Variants in FAM120A observed in about 807,000 individuals in gnomAD.
The protein encoded by FAM120A is constitutive coactivator of PPAR-gamma-like protein 1.
A neutral mutation model predicts 109.7 loss-of-function variants in FAM120A; 15 were observed. That is an observed-to-expected ratio of 0.14 (90% CI 0.09 to 0.21). The LOEUF is 0.21. Ranked by LOEUF, FAM120A falls within the 10% of genes least tolerant of loss-of-function variation. The pLI, the probability that FAM120A is intolerant of heterozygous loss-of-function variation, is 1.00. For missense variants in FAM120A, 899 were observed against 1,439.3 expected (o/e 0.62, Z 6.07); for synonymous variants, 493 against 572.8 (o/e 0.86, Z 1.99).
At chr9:93,562,538 A>T (rs1335303732) in intron 17 of FAM120A, among the ~76,000 whole-genome samples, 2 of 151,690 alleles carry the variant, frequency 1.3e-5, no homozygotes, top group Admixed American at 6.6e-5. Context: ...CTTTGCCATG[A>T]CCCTGTGTCT....
Position 93,465,208 on chromosome 9 carries a change from AC to A in FAM120A, c.475-5930del, listed in dbSNP as rs1857967525. On this transcript the variant is annotated intron_variant, in intron 1 of 17. Transcript: ENST00000277165. ...AACCCAGAATCTTTTTTCCATTCCC[AC>A]CCAAACCTTGCATTGTATTGTCTTT... Among the ~76,000 whole-genome samples, 4 of 152,160 alleles carry A rather than the reference AC, an allele frequency of 2.6e-5. No homozygotes were observed. In the South Asian group the frequency reaches 8.3e-4, roughly 32 times the overall value.
chr9:93,471,047 T>G lies in FAM120A; in HGVS notation c.475-94T>G, dbSNP rs1378135420. On this transcript the variant is annotated intron_variant, in intron 1 of 17. Transcript: ENST00000277165. ...CTTTCACGGATAGTTTTCATAAATG[T>G]GATTTTTCAGCTTCTGTGCAAACAT... The G allele has an allele frequency of 3.5e-6, 5 of 1,448,764 alleles. No individual in the cohort carries two copies. In the African/African-American group the frequency reaches 5.7e-5, roughly 16 times the overall value. 89.7% of individuals were successfully genotyped at this position (1,448,764 alleles called of 1,614,324 possible).
At chr9:93,458,116 ACTGTGTC>A (rs1259164123) in intron 1 of FAM120A, among the ~76,000 whole-genome samples, 1 of 152,160 alleles carries the variant, frequency 6.6e-6, no homozygotes, top group African/African-American at 2.4e-5. Flanking sequence ...TATTATTTAT[ACTGTGTC>A]CCATCAACAC....
chr9:93,531,422 C>G (rs1861326848), intron 9 of FAM120A: 1 of 152,216 alleles, frequency 6.6e-6, no homozygotes. Flanking sequence ...TGAGATGTAT[C>G]TTGATGCTGT....
At chr9:93,461,823 T>C (rs1008615106) in intron 1 of FAM120A, among the ~76,000 whole-genome samples, 2 of 152,188 alleles carry the variant, frequency 1.3e-5, no homozygotes, top group Non-Finnish European at 2.9e-5. Context: ...CATTTTGGAT[T>C]TTTGATTTTT....
chr9:93,521,887 A>G (rs1011792155), intron 7 of FAM120A, among the ~76,000 whole-genome samples: 1 of 152,168 alleles, frequency 6.6e-6, no homozygotes, highest in East Asian at 1.9e-4. Flanking sequence ...CAGAAGTTCA[A>G]GACCAACATG....
rs1197181268 is a variant in FAM120A, at chr9:93,558,679, T to C, written c.2767T>C (p.Ser923Pro). Reference sequence around the variant, plus strand: ...AGCATCGGGACACTGCGGAGCCTTCTCAGGCAGTGACAGCAGCAGGACTAG... The same window carrying C: ...AGCATCGGGACACTGCGGAGCCTTCCCAGGCAGTGACAGCAGCAGGACTAG... ...AAASGHCGAF[S>P]GSDSSRTSKS... Residue 923 changes from serine (S) to proline (P), a missense_variant, in exon 15 of 18, where the codon TCA becomes CCA. Ser to Pro is a moderately conservative substitution (Grantham distance 74). Coordinates refer to ENST00000277165, the MANE Select transcript of FAM120A (RefSeq NM_014612.5). 2 of 1,614,142 alleles carry C rather than the reference T, an allele frequency of 1.2e-6. No homozygotes were observed. The highest frequency in any genetic ancestry group is 1.7e-6 in the Non-Finnish European group (2 of 1,180,020).
chr9:93,455,385 T>C (rs1857506806), intron 1 of FAM120A, among the ~76,000 whole-genome samples: 1 of 152,212 alleles, frequency 6.6e-6, no homozygotes, highest in Non-Finnish European at 1.5e-5. Context: ...AGGAGAGATC[T>C]TTGTGGAGTG....
intron 5 of FAM120A, among the ~76,000 whole-genome samples, chr9:93,509,989 A>T (rs58515648): frequency 0.024 from 3,614 of 152,238 alleles, 156 homozygotes; most frequent in African/African-American, 0.082. Context: ...GTCCTAGTTC[A>T]TCTTGATGAG....
chr9:93,522,028 C>G (rs1428627592), intron 7 of FAM120A, among the ~76,000 whole-genome samples: 1 of 151,974 alleles, frequency 6.6e-6, no homozygotes, highest in Non-Finnish European at 1.5e-5. Flanking sequence ...TGCAATGAGC[C>G]GAGATTGTGC....
At chr9:93,516,989 G>T (rs186150696) in intron 7 of FAM120A, among the ~76,000 whole-genome samples, 2 of 152,122 alleles carry the variant, frequency 1.3e-5, no homozygotes, top group Non-Finnish European at 2.9e-5. Flanking sequence ...ACTTTACAGC[G>T]CAGATAACCA....
At position 93,521,977 on chromosome 9, in the gene FAM120A, G is replaced by C. The variant is rs1412569244; in HGVS notation, c.1419-5178G>C. Among the ~76,000 whole-genome samples, 3 of 152,336 alleles carry C rather than the reference G, an allele frequency of 2.0e-5. No homozygotes were observed. The South Asian group carries it at 6.2e-4, about 32-fold the overall frequency. ...TGCTTGTAGTCCCAGCTACTTGGGA[G>C]GCTGAGGTAGGAGAATTGCTTGAAC... On this transcript the variant is annotated intron_variant, in intron 7 of 17. Coordinates refer to ENST00000277165, the MANE Select transcript of FAM120A (RefSeq NM_014612.5).
intron 1 of FAM120A, among the ~76,000 whole-genome samples, chr9:93,456,063 G>T (rs1171467554): frequency 1.3e-5 from 2 of 152,090 alleles, no homozygotes; most frequent in African/African-American, 4.8e-5. Context: ...ATTAGAAGTT[G>T]GTCTACATGG....
At chr9:93,487,382 G>A (rs1331859530) in intron 3 of FAM120A, among the ~76,000 whole-genome samples, 1 of 151,902 alleles carries the variant, frequency 6.6e-6, no homozygotes, top group Non-Finnish European at 1.5e-5. Context: ...GGCTGGTCTT[G>A]AACTCCTGAC....
chr9:93,459,635 G>C (rs1263168093), intron 1 of FAM120A, among the ~76,000 whole-genome samples: 1 of 152,132 alleles, frequency 6.6e-6, no homozygotes, highest in East Asian at 1.9e-4. Context: ...TAATACTGTA[G>C]AACAATATGT....
At chr9:93,535,860 T>A (rs1314516593) in intron 10 of FAM120A, among the ~76,000 whole-genome samples, 1 of 152,244 alleles carries the variant, frequency 6.6e-6, no homozygotes, top group Non-Finnish European at 1.5e-5. Context: ...AATTGAGTAA[T>A]GTGCACAGTG....
At chr9:93,529,748 TA>T in intron 9 of FAM120A, 168 bp downstream of exon 9, 1 of 673,584 alleles carries the variant, frequency 1.5e-6, no homozygotes, top group South Asian at 1.7e-5. Flanking sequence ...TGAACATTTA[TA>T]ACTGTAAATA....
At position 93,452,004 on chromosome 9, in the gene FAM120A, G is replaced by C; in HGVS notation, c.89G>C (p.Ser30Thr). The C allele has an allele frequency of 6.4e-7, 1 of 1,553,078 alleles. No individual in the cohort carries two copies. The highest frequency in any genetic ancestry group is 8.7e-7 in the Non-Finnish European group (1 of 1,149,690). The change falls in exon 1 of 18, where the codon AGC becomes ACC. Residue 30 changes from serine (S) to threonine (T), a missense_variant. Transcript: ENST00000277165. This position sits in a 1 kb window ranked among gnomAD's most constrained non-coding sequence, Gnocchi z 7.0. The part of the protein sequence containing the change: ...PVELQKLARG[S>T]LVGGGRQRPP... ...GAGCTGCAGAAGCTGGCCCGGGGCA[G>C]CCTGGTGGGCGGCGGGCGGCAGCGG...
At chr9:93,482,471 G>A (rs1016329643) in intron 3 of FAM120A, among the ~76,000 whole-genome samples, 13 of 152,166 alleles carry the variant, frequency 8.5e-5, no homozygotes, top group Admixed American at 2.0e-4. Flanking sequence ...GATTATAGGC[G>A]TGAGCCACTG....
Sources: allele counts gnomAD v4.1 joint callset (sites outside exome capture counted in the v4.1 genomes callset), GRCh38; gene constraint gnomAD v4.1.1; non-coding constraint Gnocchi (gnomAD v3.1); transcripts MANE v1.5; gene names NCBI Gene and HGNC (gene_info 2026-07-23, HGNC 2026-07-21).